Variants in NBAS observed in about 807,000 individuals in gnomAD.
The protein encoded by NBAS is NAG/BC035112 fusion.
A neutral mutation model predicts 302.5 loss-of-function variants in NBAS; 219 were observed. That is an observed-to-expected ratio of 0.72 (90% CI 0.65 to 0.81). The LOEUF (loss-of-function observed/expected upper bound fraction) is 0.81. Ranked by LOEUF, NBAS falls within the 30% of genes least tolerant of loss-of-function variation. NBAS has a pLI of 0.00. For missense variants in NBAS, 2,932 were observed against 2,841.6 expected (o/e 1.03, Z -0.72); for synonymous variants, 1,118 against 1,021.6 (o/e 1.09, Z -1.80).
At position 15,193,470 on chromosome 2, in the gene NBAS, T is replaced by C. The variant is rs10185754; in HGVS notation, c.6433-3067A>G. 8.0e-3 allele frequency among the ~76,000 whole-genome samples: 1,218 copies of C among 152,254 alleles called. 17 individuals carry two copies. The highest frequency in any genetic ancestry group is 0.028 in the African/African-American group (1,167 of 41,558). On this transcript the variant is annotated intron_variant, in intron 48 of 51. Transcript: ENST00000281513. The stretch of plus-strand genomic sequence containing the variant: ...TAAAACATGATAAAGAAATACTTGG[T>C]TTGATAATTGTTATATACCTTCAAA...
chr2:15,511,476 A>C (rs766576371), intron 9 of NBAS, 126 bp from the exon 10 acceptor site: 41 of 820,680 alleles, frequency 5.0e-5, no homozygotes, highest in Non-Finnish European at 7.6e-5. Flanking sequence ...TGTTAAACCT[A>C]GAAGGTAAAT....
At chr2:14,842,353 A>T in the NBAS span, among the ~76,000 whole-genome samples, 1 of 151,964 alleles carries the variant, frequency 6.6e-6, no homozygotes. Flanking sequence ...ATTGAGACTA[A>T]AAAATGCAGA....
chr2:15,148,288 C>T, the NBAS span, among the ~76,000 whole-genome samples: 1 of 152,116 alleles, frequency 6.6e-6, no homozygotes, highest in African/African-American at 2.4e-5. Context: ...CAGACCCAGG[C>T]CCTGCCACCA....
chr2:14,885,875 G>A, the NBAS span, among the ~76,000 whole-genome samples: 3 of 152,316 alleles, frequency 2.0e-5, no homozygotes, highest in African/African-American at 7.2e-5. Context: ...GATTTGACAT[G>A]TGGTAATCCT....
At chr2:15,078,990 C>T in the NBAS span, among the ~76,000 whole-genome samples, 1 of 152,104 alleles carries the variant, frequency 6.6e-6, no homozygotes, top group African/African-American at 2.4e-5. Flanking sequence ...GATGATCAAG[C>T]TCTGCAAAAT....
At chr2:14,866,011 G>A in the NBAS span, among the ~76,000 whole-genome samples, 1 of 151,982 alleles carries the variant, frequency 6.6e-6, no homozygotes, top group African/African-American at 2.4e-5. Context: ...ATTTTCAGAT[G>A]GATTTTTTTT....
At chr2:15,244,825 T>A (rs995148558) in intron 44 of NBAS, among the ~76,000 whole-genome samples, 1 of 152,130 alleles carries the variant, frequency 6.6e-6, no homozygotes, top group Non-Finnish European at 1.5e-5. Flanking sequence ...TAGCAGACAG[T>A]GGTTTCTACC....
chr2:15,179,318 C>A, intron 50 of NBAS: 1 of 675,258 alleles, frequency 1.5e-6, no homozygotes, highest in South Asian at 1.9e-5. Flanking sequence ...TACAGATTTC[C>A]AAGCTATCAG....
At chr2:14,913,003 G>A in the NBAS span, among the ~76,000 whole-genome samples, 1 of 152,124 alleles carries the variant, frequency 6.6e-6, no homozygotes, top group Non-Finnish European at 1.5e-5. Flanking sequence ...ATGAAATGAT[G>A]GAGAAGAAAG....
chr2:15,141,989 A>C, the NBAS span, among the ~76,000 whole-genome samples: 2 of 152,224 alleles, frequency 1.3e-5, no homozygotes, highest in Non-Finnish European at 2.9e-5. Flanking sequence ...ATATTTAAAA[A>C]CAGTGTGAGT....
At position 15,356,068 on chromosome 2, in the gene NBAS, T is replaced by C. The variant is rs138344800; in HGVS notation, c.3931+235A>G. Among the ~76,000 whole-genome samples, 27 of 152,314 alleles carry C rather than the reference T, an allele frequency of 1.8e-4. 1 individual carries two copies. In the East Asian group the frequency reaches 5.2e-3, roughly 29 times the overall value. On this transcript the variant is annotated intron_variant, in intron 33 of 51. Coordinates refer to ENST00000281513, the MANE Select transcript of NBAS (RefSeq NM_015909.4). ...TTTTAAATTACGAGCATGTTTTGAATAGGGACTAGAAAGCAACCAAAATCT... is the reference window on the plus strand; with the variant it reads ...TTTTAAATTACGAGCATGTTTTGAACAGGGACTAGAAAGCAACCAAAATCT...
the NBAS span, among the ~76,000 whole-genome samples, chr2:15,026,042 A>C: frequency 6.6e-6 from 1 of 151,922 alleles, no homozygotes; most frequent in Non-Finnish European, 1.5e-5. Flanking sequence ...GTCTTGTGCC[A>C]GTTTTCAGTA....
chr2:15,122,777 A>G, the NBAS span, among the ~76,000 whole-genome samples: 1 of 152,184 alleles, frequency 6.6e-6, no homozygotes, highest in African/African-American at 2.4e-5. Context: ...CTACACTCAA[A>G]TATCTATTGC....
At chr2:14,798,155 A>G in the NBAS span, among the ~76,000 whole-genome samples, 3 of 152,188 alleles carry the variant, frequency 2.0e-5, no homozygotes, top group Admixed American at 6.5e-5. Context: ...GAGAATGGAC[A>G]TGGCCTTGTT....
the NBAS span, among the ~76,000 whole-genome samples, chr2:14,924,695 T>G: frequency 6.6e-6 from 1 of 152,136 alleles, no homozygotes; most frequent in East Asian, 1.9e-4. Flanking sequence ...GTTTTCATTT[T>G]CTCAAAGACA....
chr2:14,847,382 TAAAAAAA>T, the NBAS span, among the ~76,000 whole-genome samples: 7 of 53,166 alleles, frequency 1.3e-4, no homozygotes, highest in African/African-American at 4.7e-4. Flanking sequence ...GACTCTATCT[TAAAAAAA>T]AAAAAAAAAA....
chr2:15,248,739 C>A (rs577131202), intron 44 of NBAS, among the ~76,000 whole-genome samples: 3 of 152,136 alleles, frequency 2.0e-5, no homozygotes, highest in African/African-American at 7.2e-5. Flanking sequence ...TTCCTGGACA[C>A]ATACACCCTC....
At chr2:15,346,001 T>C (rs1206678304) in intron 35 of NBAS, among the ~76,000 whole-genome samples, 1 of 152,094 alleles carries the variant, frequency 6.6e-6, no homozygotes, top group Non-Finnish European at 1.5e-5. Context: ...ATACAAAAAA[T>C]TAAGTCAAGA....
At chr2:15,405,947 T>C (rs796366210) in intron 25 of NBAS, among the ~76,000 whole-genome samples, 8 of 152,172 alleles carry the variant, frequency 5.3e-5, no homozygotes, top group African/African-American at 1.9e-4. Flanking sequence ...CATCCGCTAT[T>C]ATTGGATAAG....
Sources: allele counts gnomAD v4.1 joint callset (sites outside exome capture counted in the v4.1 genomes callset), GRCh38; gene constraint gnomAD v4.1.1; transcripts MANE v1.5; gene names NCBI Gene and HGNC (gene_info 2026-07-23, HGNC 2026-07-21).